WDPCP: variants seen among roughly 807,000 people sequenced by gnomAD.
The protein encoded by WDPCP is WD repeat containing planar cell polarity effector.
WDPCP carries 71 observed loss-of-function variants against 93.1 expected under a neutral mutation model. That is an observed-to-expected ratio of 0.76 (90% CI 0.63 to 0.93). The LOEUF is 0.93. Among genes scored for constraint, WDPCP ranks in the 40% least tolerant of loss-of-function variants. The pLI is 0.00. For missense variants in WDPCP, 844 were observed against 887.4 expected (o/e 0.95, Z 0.62); for synonymous variants, 315 against 315.0 (o/e 1.00, Z 0.00).
intron 6 of WDPCP, among the ~76,000 whole-genome samples, chr2:63,450,441 C>G (rs566456696): frequency 6.6e-6 from 1 of 152,298 alleles, no homozygotes; most frequent in South Asian, 2.1e-4. Flanking sequence ...ATCACCCATA[C>G]CATGCCAGCT....
chr2:63,398,157 G>T (rs1015723085), intron 10 of WDPCP, among the ~76,000 whole-genome samples: 1 of 152,140 alleles, frequency 6.6e-6, no homozygotes, highest in Non-Finnish European at 1.5e-5. Context: ...GTCGTAAGAA[G>T]CAGATAAACT....
intron 1 of WDPCP, among the ~76,000 whole-genome samples, chr2:63,582,297 A>G (rs1708546512): frequency 6.6e-6 from 1 of 152,170 alleles, no homozygotes; most frequent in Admixed American, 6.5e-5. Context: ...AATGAATAGC[A>G]TATTAGACAT....
intron 1 of WDPCP, among the ~76,000 whole-genome samples, chr2:63,525,295 C>G (rs1703247388): frequency 6.6e-6 from 1 of 152,104 alleles, no homozygotes; most frequent in South Asian, 2.1e-4. Flanking sequence ...CTATTGGGTA[C>G]TATACTTATT....
chr2:63,336,592 A>G (rs569071417), intron 12 of WDPCP, among the ~76,000 whole-genome samples: 2 of 152,216 alleles, frequency 1.3e-5, no homozygotes, highest in African/African-American at 4.8e-5. Context: ...TCCTGCATCA[A>G]TTAAGATTAT....
At chr2:63,415,004 G>C (rs898936655) in intron 9 of WDPCP, among the ~76,000 whole-genome samples, 1 of 152,140 alleles carries the variant, frequency 6.6e-6, no homozygotes, top group Non-Finnish European at 1.5e-5. Context: ...AACTGTCCAC[G>C]TAATGATAGA....
At chr2:63,558,803 C>T (rs548361046) in intron 1 of WDPCP, among the ~76,000 whole-genome samples, 3 of 151,824 alleles carry the variant, frequency 2.0e-5, no homozygotes, top group Admixed American at 2.0e-4. Context: ...GCCTACCAAC[C>T]AAAAAAACGC....
intron 17 of WDPCP, among the ~76,000 whole-genome samples, chr2:63,133,102 C>CT (rs1670394873): frequency 6.6e-6 from 1 of 152,172 alleles, no homozygotes; most frequent in Non-Finnish European, 1.5e-5. Flanking sequence ...CTTCTCAGGT[C>CT]TTTACTGAGC....
At chr2:63,429,308 CA>C (rs1348276489) in intron 9 of WDPCP, among the ~76,000 whole-genome samples, 2 of 152,062 alleles carry the variant, frequency 1.3e-5, no homozygotes, top group African/African-American at 4.8e-5. Context: ...GTAAAGTCCT[CA>C]AAAGCAAATA....
intron 3 of WDPCP, among the ~76,000 whole-genome samples, chr2:63,639,791 A>C (rs1199525110): frequency 6.6e-6 from 1 of 152,266 alleles, no homozygotes; most frequent in Non-Finnish European, 1.5e-5. Context: ...TAAATAAAAA[A>C]TAGTGACAAA....
At chr2:63,482,353 T>C (rs1700315736) in intron 6 of WDPCP, among the ~76,000 whole-genome samples, 1 of 151,978 alleles carries the variant, frequency 6.6e-6, no homozygotes, top group Non-Finnish European at 1.5e-5. Flanking sequence ...TTTCACTCCT[T>C]TTCTAAGAGT....
At chr2:63,709,254 G>T (rs560955798) in intron 2 of WDPCP, among the ~76,000 whole-genome samples, 1 of 151,542 alleles carries the variant, frequency 6.6e-6, no homozygotes, top group Non-Finnish European at 1.5e-5. Context: ...GGTGGAGGTT[G>T]CAGTGAGCCA....
chr2:63,791,923 C>T (rs1670551280), intron 2 of WDPCP, among the ~76,000 whole-genome samples: 1 of 152,062 alleles, frequency 6.6e-6, no homozygotes, highest in African/African-American at 2.4e-5. Flanking sequence ...TACTACGGTG[C>T]CTGCATGTAA....
intron 3 of WDPCP, chr2:63,643,432 T>A (rs1202907901): frequency 9.5e-6 from 3 of 316,324 alleles, no homozygotes; most frequent in African/African-American, 6.7e-5. Context: ...ATCTTTCACA[T>A]GAACCACATG....
chr2:63,774,984 A>C (rs1670281628), intron 2 of WDPCP, among the ~76,000 whole-genome samples: 1 of 152,150 alleles, frequency 6.6e-6, no homozygotes, highest in South Asian at 2.1e-4. Flanking sequence ...TTTCCTTGAT[A>C]TCCTGGCATA....
intron 2 of WDPCP, among the ~76,000 whole-genome samples, chr2:63,711,888 C>A (rs1020856357): frequency 1.3e-5 from 2 of 152,212 alleles, no homozygotes; most frequent in African/African-American, 4.8e-5. Flanking sequence ...TGGATTGATA[C>A]TGGAGAAACC....
At chr2:63,296,665 G>A (rs1487328298) in intron 13 of WDPCP, among the ~76,000 whole-genome samples, 1 of 152,034 alleles carries the variant, frequency 6.6e-6, no homozygotes, top group African/African-American at 2.4e-5. Flanking sequence ...CAAGCTGAGA[G>A]TCAAATCAGG....
At chr2:63,608,797 G>A (rs894557178) in intron 3 of WDPCP, among the ~76,000 whole-genome samples, 2 of 152,066 alleles carry the variant, frequency 1.3e-5, no homozygotes, top group African/African-American at 2.4e-5. Context: ...GCAACAGAGC[G>A]AGACCATCTC....
intron 17 of WDPCP, among the ~76,000 whole-genome samples, chr2:63,127,370 G>A (rs1006121037): frequency 1.3e-4 from 20 of 151,746 alleles, no homozygotes; most frequent in Non-Finnish European, 2.5e-4. Context: ...TGATCTGCCC[G>A]CCTCGGCCTC....
intron 3 of WDPCP, among the ~76,000 whole-genome samples, chr2:63,627,406 G>T (rs1479851330): frequency 1.3e-5 from 2 of 152,170 alleles, no homozygotes; most frequent in Admixed American, 6.5e-5. Context: ...AGGAGGCAGA[G>T]AAATTCTAGG....
Sources: allele counts gnomAD v4.1 joint callset (sites outside exome capture counted in the v4.1 genomes callset), GRCh38; gene constraint gnomAD v4.1.1; transcripts MANE v1.5; gene names NCBI Gene and HGNC (gene_info 2026-07-23, HGNC 2026-07-21).